SCIN: variants seen among roughly 807,000 people sequenced by gnomAD.
SCIN encodes scinderin.
SCIN carries 91 observed loss-of-function variants against 91.8 expected under a neutral mutation model. The ratio of observed to expected loss-of-function variants is 0.99; its 90% CI spans 0.84 to 1.18. The LOEUF is 1.18. Ranked by LOEUF, SCIN falls within the 50% of genes most tolerant of loss-of-function variation. The pLI, the probability that SCIN is intolerant of heterozygous loss-of-function variation, is 0.00. For missense variants in SCIN, 1,087 were observed against 863.9 expected (o/e 1.26, Z -3.24); for synonymous variants, 367 against 312.6 (o/e 1.17, Z -1.84).
In SCIN at chr7:12,636,104, TG is replaced by T. The variant is rs754452899; in HGVS notation, c.1381del (p.Asp461IlefsTer23). 1 of 1,613,128 alleles carries T rather than the reference TG, an allele frequency of 6.2e-7. No homozygotes were observed. The highest frequency in any genetic ancestry group is 8.5e-7 in the Non-Finnish European group (1 of 1,179,674). On this transcript the variant is annotated frameshift_variant, in exon 10 of 16. Transcript: ENST00000297029. LOFTEE classifies it high-confidence loss of function. The part of the protein sequence containing the change: ...LTTSAFLTVQ[L>X]DRSLGGQAVQ... ...ACATCTGCGTTCCTGACTGTTCAGT[TG>T]GATCGGTCCCTTGGAGGACAGGCTG... is the stretch of plus-strand genomic sequence containing the variant.
intron 11 of SCIN, among the ~76,000 whole-genome samples, chr7:12,643,396 T>C (rs1204224986): frequency 6.6e-6 from 1 of 152,216 alleles, no homozygotes; most frequent in Non-Finnish European, 1.5e-5. Context: ...ATGTTTGTAT[T>C]AGAAATTGGA....
At chr7:12,596,642 T>C (rs1782848900) in intron 3 of SCIN, among the ~76,000 whole-genome samples, 1 of 152,004 alleles carries the variant, frequency 6.6e-6, no homozygotes, top group Admixed American at 6.5e-5. Context: ...GTCACCAACT[T>C]AGGTGGCTGG....
At chr7:12,586,698 T>C (rs1782595728) in intron 3 of SCIN, among the ~76,000 whole-genome samples, 1 of 151,768 alleles carries the variant, frequency 6.6e-6, no homozygotes, top group Non-Finnish European at 1.5e-5. Flanking sequence ...CATAAACAGG[T>C]GAATAAAGAA....
At chr7:12,601,263 C>A (rs1006049782) in intron 3 of SCIN, among the ~76,000 whole-genome samples, 1 of 152,244 alleles carries the variant, frequency 6.6e-6, no homozygotes, top group Non-Finnish European at 1.5e-5. Context: ...GCTTCCAGTA[C>A]CTACAGGAGA....
chr7:12,589,297 A>C (rs369541552), intron 3 of SCIN: 2 of 150,862 alleles, frequency 1.3e-5, no homozygotes, highest in Non-Finnish European at 2.9e-5. Context: ...GCTCACTGCA[A>C]GCTCCGCCTC....
At chr7:12,614,997 G>C (rs1783269642) in intron 4 of SCIN, among the ~76,000 whole-genome samples, 1 of 152,122 alleles carries the variant, frequency 6.6e-6, no homozygotes, top group Non-Finnish European at 1.5e-5. Context: ...GTCATAGAGA[G>C]GCTATGTAAC....
At chr7:12,638,901 T>TA in intron 10 of SCIN, among the ~76,000 whole-genome samples, 1 of 152,320 alleles carries the variant, frequency 6.6e-6, no homozygotes, top group South Asian at 2.1e-4. Context: ...ACCAAACTAT[T>TA]AAAAAACTAT....
chr7:12,631,115 C>A (rs369801266), intron 9 of SCIN, among the ~76,000 whole-genome samples: 19 of 152,116 alleles, frequency 1.2e-4, no homozygotes, highest in Non-Finnish European at 2.6e-4. Flanking sequence ...ATATAAATGC[C>A]TATGTGGACA....
chr7:12,594,356 G>A (rs1346944609), intron 3 of SCIN, among the ~76,000 whole-genome samples: 4 of 152,128 alleles, frequency 2.6e-5, no homozygotes, highest in Non-Finnish European at 4.4e-5. Flanking sequence ...TTTTGAGCTG[G>A]TGAGTAGGAT....
intron 1 of SCIN, among the ~76,000 whole-genome samples, chr7:12,576,080 C>G (rs1169718097): frequency 6.6e-6 from 1 of 152,168 alleles, no homozygotes; most frequent in African/African-American, 2.4e-5. Context: ...AACCTGTAGT[C>G]AGGTAAGGAC....
rs141536142 is a variant in SCIN, at chr7:12,645,868, C to T, written c.1881+1163C>T. ...CTTAAAAGTACTAGCTACTTTACAC[C>T]TGTGTGAGCATGCAGTTGCTGTATG... On this transcript the variant is annotated intron_variant, in intron 13 of 15. Transcript: ENST00000297029. 2.2e-3 allele frequency among the ~76,000 whole-genome samples: 332 copies of T among 152,258 alleles called. 2 individuals carry two copies. The highest frequency in any genetic ancestry group is 7.1e-3 in the African/African-American group (293 of 41,546).
rs2115305881 is a variant in SCIN at position 12,651,990 on chromosome 7, A to G, written c.2020+89A>G. 1 of 824,826 alleles carries G rather than the reference A, an allele frequency of 1.2e-6. No homozygotes were observed. The highest frequency in any genetic ancestry group is 2.7e-5 in the East Asian group (1 of 37,076). The allele number at this position is 824,826 out of a possible 1,614,324, so 51.1% of individuals were successfully genotyped here. ...TGCTCTTTGCCACCATGTCTTACAAAAATACATTTCAAAATCAAGAAGTAG... is the reference window on the plus strand; with the variant it reads ...TGCTCTTTGCCACCATGTCTTACAAGAATACATTTCAAAATCAAGAAGTAG... On this transcript the variant is annotated intron_variant, in intron 15 of 15. Transcript: ENST00000297029. The surrounding 1 kb of genome is among the most constrained non-coding windows in gnomAD (Gnocchi z 5.9).
chr7:12,583,504 A>G (rs924966837), intron 3 of SCIN, among the ~76,000 whole-genome samples: 2 of 152,100 alleles, frequency 1.3e-5, no homozygotes, highest in Non-Finnish European at 2.9e-5. Flanking sequence ...TTTTTTCACC[A>G]CACTAAGCTA....
At chr7:12,594,201 G>C (rs1251528847) in intron 3 of SCIN, among the ~76,000 whole-genome samples, 1 of 152,046 alleles carries the variant, frequency 6.6e-6, no homozygotes, top group African/African-American at 2.4e-5. Flanking sequence ...GAGAGGGGTA[G>C]AGCCGGAGCA....
At position 12,652,928 on chromosome 7, in the gene SCIN, C is replaced by CTCTGT; in HGVS notation, c.*213_*214insTCTGT. ...GACCAGCCTGGCCAACATGGCGAAA[C>CTCTGT]CTCGCCTCTACTAAAAATACAAAAA... On this transcript the variant is annotated 3_prime_UTR_variant, in exon 16 of 16. Coordinates refer to ENST00000297029, the MANE Select transcript of SCIN (RefSeq NM_001112706.3). 2.1e-6 allele frequency: 1 copy of CTCTGT among 472,800 alleles called. No homozygotes were observed. Among genetic ancestry groups the CTCTGT allele is most frequent in the Non-Finnish European group, 3.6e-6 (1 of 274,478 alleles). 29.3% of individuals were successfully genotyped at this position (472,800 alleles called of 1,614,324 possible).
intron 3 of SCIN, among the ~76,000 whole-genome samples, chr7:12,590,648 G>A (rs1183920002): frequency 1.3e-5 from 2 of 152,068 alleles, no homozygotes; most frequent in Non-Finnish European, 2.9e-5. Context: ...AGGAAGGAGA[G>A]GGGCAGAGGC....
chr7:12,575,767 G>T (rs1782357580), intron 1 of SCIN, among the ~76,000 whole-genome samples: 1 of 151,794 alleles, frequency 6.6e-6, no homozygotes, highest in South Asian at 2.1e-4. Flanking sequence ...ATTCGTAGGG[G>T]AAAACTAAAC....
intron 3 of SCIN, among the ~76,000 whole-genome samples, chr7:12,591,619 G>A (rs1322923079): frequency 1.3e-5 from 2 of 152,134 alleles, no homozygotes; most frequent in Admixed American, 6.5e-5. Flanking sequence ...GGAAGCTGGG[G>A]AGTATGTTAT....
At chr7:12,647,144 T>C (rs1783982590) in intron 13 of SCIN, among the ~76,000 whole-genome samples, 1 of 152,212 alleles carries the variant, frequency 6.6e-6, no homozygotes, top group East Asian at 1.9e-4. Context: ...TTTACAAAAA[T>C]AAGTACCTAG....
Sources: allele counts gnomAD v4.1 joint callset (sites outside exome capture counted in the v4.1 genomes callset), GRCh38; gene constraint gnomAD v4.1.1; non-coding constraint Gnocchi (gnomAD v3.1); transcripts MANE v1.5; gene names NCBI Gene and HGNC (gene_info 2026-07-23, HGNC 2026-07-21).